The following COL4A1 variants were observed in gnomAD, a reference collection of about 807,000 sequenced individuals.
COL4A1 encodes the protein collagen alpha-1(IV) chain.
In COL4A1, 40 loss-of-function variants were observed where a neutral mutation model predicts 216.6. The ratio of observed to expected loss-of-function variants is 0.18; its 90% confidence interval spans 0.14 to 0.24. COL4A1 has a LOEUF of 0.24. Ranked by LOEUF, COL4A1 falls within the 10% of genes least tolerant of loss-of-function variation. The probability of loss-of-function intolerance (pLI) is 1.00; values close to 1 mark genes in which losing one functional copy is unlikely to be tolerated. For synonymous variants in COL4A1, 839 were observed against 810.7 expected, an observed-to-expected ratio of 1.03 and a Z score of -0.59; for missense variants, 1,628 against 2,196.8, an observed-to-expected ratio of 0.74 and a Z score of 5.18.
chr13:110,264,297 C>T (rs1882940723), intron 1 of COL4A1, among the ~76,000 whole-genome samples: 1 of 152,110 alleles, frequency 6.6e-6, no homozygotes, highest in Admixed American at 6.6e-5. Flanking sequence ...CTCTCAGAAC[C>T]CTGTTTGCCA....
intron 1 of COL4A1, among the ~76,000 whole-genome samples, chr13:110,296,719 T>C (rs897718632): frequency 6.6e-6 from 1 of 152,214 alleles, no homozygotes; most frequent in Non-Finnish European, 1.5e-5. Context: ...TCCCACAAGA[T>C]TGCCCCACTT....
intron 1 of COL4A1, among the ~76,000 whole-genome samples, chr13:110,267,282 G>A (rs1186693154): frequency 6.6e-6 from 1 of 152,180 alleles, no homozygotes; most frequent in Non-Finnish European, 1.5e-5. Flanking sequence ...GAGGGGCAGG[G>A]AGACGGAGCT....
intron 1 of COL4A1, among the ~76,000 whole-genome samples, chr13:110,245,216 G>A (rs562845880): frequency 4.6e-5 from 7 of 152,278 alleles, no homozygotes; most frequent in South Asian, 2.1e-4. Context: ...ACCTGGAGCC[G>A]TCCAGACCAG....
intron 15 of COL4A1, 139 bp downstream of exon 15, chr13:110,206,526 G>T: frequency 1.0e-6 from 1 of 978,284 alleles, no homozygotes; most frequent in Non-Finnish European, 1.6e-6. Context: ...GGAGAGTCTC[G>T]GAAAAGCCCT....
chr13:110,249,863 T>A (rs1158782615), intron 1 of COL4A1, among the ~76,000 whole-genome samples: 1 of 152,218 alleles, frequency 6.6e-6, no homozygotes, highest in East Asian at 1.9e-4. Flanking sequence ...TGCATAACAT[T>A]TTTCAACTTC....
At chr13:110,303,869 G>T (rs551144324) in intron 1 of COL4A1, among the ~76,000 whole-genome samples, 1 of 152,356 alleles carries the variant, frequency 6.6e-6, no homozygotes, top group African/African-American at 2.4e-5. Flanking sequence ...CGATGTGTGT[G>T]TGGAATGAAG....
At chr13:110,299,972 C>T (rs1186713885) in intron 1 of COL4A1, among the ~76,000 whole-genome samples, 1 of 152,206 alleles carries the variant, frequency 6.6e-6, no homozygotes, top group Non-Finnish European at 1.5e-5. Flanking sequence ...ATAAATGCCA[C>T]TGTGCTCAGA....
At chr13:110,228,801 G>A (rs141385804) in intron 2 of COL4A1, among the ~76,000 whole-genome samples, 3 of 152,320 alleles carry the variant, frequency 2.0e-5, no homozygotes, top group African/African-American at 7.2e-5. Context: ...TTTAAATAGA[G>A]TGACTTCAAG....
At chr13:110,265,997 G>GA (rs1019223544) in intron 1 of COL4A1, 1 of 152,164 alleles carries the variant, frequency 6.6e-6, no homozygotes, top group Non-Finnish European at 1.5e-5. Context: ...TGTCGTCACT[G>GA]AGAGTCCTGG....
chr13:110,200,746 A>T, intron 20 of COL4A1, 108 bp downstream of exon 20: 2 of 1,185,912 alleles, frequency 1.7e-6, no homozygotes, highest in Non-Finnish European at 2.5e-6. Flanking sequence ...TAAGATTGCT[A>T]CCGATTGTGT....
intron 2 of COL4A1, among the ~76,000 whole-genome samples, chr13:110,237,638 G>A (rs1048797342): frequency 6.6e-6 from 1 of 152,286 alleles, no homozygotes; most frequent in South Asian, 2.1e-4. Context: ...AAACATACTC[G>A]GCCCCAGGCC....
At chr13:110,248,158 G>C (rs1478283769) in intron 1 of COL4A1, among the ~76,000 whole-genome samples, 2 of 152,076 alleles carry the variant, frequency 1.3e-5, no homozygotes, top group African/African-American at 4.8e-5. Flanking sequence ...TGCCGTCGAG[G>C]GCTCTTCCTG....
At chr13:110,222,272 T>A (rs1880519666) in intron 2 of COL4A1, among the ~76,000 whole-genome samples, 1 of 152,026 alleles carries the variant, frequency 6.6e-6, no homozygotes, top group Non-Finnish European at 1.5e-5. Flanking sequence ...GAAGAAGTAC[T>A]CAGACACTGA....
At chr13:110,252,293 G>A (rs996630345) in intron 1 of COL4A1, among the ~76,000 whole-genome samples, 3 of 151,518 alleles carry the variant, frequency 2.0e-5, no homozygotes, top group Non-Finnish European at 2.9e-5. Flanking sequence ...CGAAGCACTG[G>A]GATTAGAGGT....
At chr13:110,239,198 C>T (rs779449952) in intron 2 of COL4A1, among the ~76,000 whole-genome samples, 18 of 152,180 alleles carry the variant, frequency 1.2e-4, no homozygotes, top group Non-Finnish European at 2.2e-4. Context: ...GAGATTATAA[C>T]GCCAGCAATG....
intron 46 of COL4A1, 35 bp from the exon 47 acceptor site, chr13:110,163,596 T>C (rs369407797): frequency 1.3e-5 from 20 of 1,561,284 alleles, no homozygotes; most frequent in Admixed American, 1.7e-5. Flanking sequence ...TGATCCTGTA[T>C]GGCAGTAAGC....
intron 1 of COL4A1, among the ~76,000 whole-genome samples, chr13:110,293,294 G>T (rs1347777442): frequency 6.6e-6 from 1 of 152,186 alleles, no homozygotes; most frequent in African/African-American, 2.4e-5. Context: ...CGCACCTGTG[G>T]CATTGCTCTG....
intron 1 of COL4A1, among the ~76,000 whole-genome samples, chr13:110,260,174 A>C (rs1274583911): frequency 6.6e-6 from 1 of 152,114 alleles, no homozygotes; most frequent in Non-Finnish European, 1.5e-5. Context: ...TCACAGTTCC[A>C]CATGGCTGGG....
chr13:110,203,917 T>C (rs1327388124), intron 17 of COL4A1, among the ~76,000 whole-genome samples: 1 of 152,226 alleles, frequency 6.6e-6, no homozygotes, highest in East Asian at 1.9e-4. Context: ...ACAGAATCAT[T>C]GATGAGCGGA....
Sources: gnomAD v4.1 joint callset for allele counts (sites outside exome capture counted in the v4.1 genomes callset) on GRCh38, gnomAD v4.1.1 for gene constraint, MANE v1.5 for transcripts, NCBI Gene and HGNC (gene_info 2026-07-23, HGNC 2026-07-21) for gene names.